The following ZNF517 variants were observed in gnomAD, a reference collection of about 807,000 sequenced individuals.
ZNF517 encodes zinc finger protein 517.
In ZNF517, 12 loss-of-function variants were observed where a neutral mutation model predicts 12.1. The observed-to-expected ratio is 0.99, with a 90% CI of 0.63 to 1.61. ZNF517 has a LOEUF of 1.61. Among genes scored for constraint, ZNF517 ranks in the 40% most tolerant of loss-of-function variants. The pLI, the probability that ZNF517 is intolerant of heterozygous loss-of-function variation, is 0.00. For synonymous variants in ZNF517, 388 were observed against 310.2 expected (o/e 1.25, Z -2.63); for missense variants, 781 against 693.2 (o/e 1.13, Z -1.42).
In ZNF517 at chr8:144,802,929, C is replaced by A. The variant is rs1290520752; in HGVS notation, c.15C>A (p.Leu5=). The A allele has an allele frequency of 6.2e-7, 1 of 1,613,916 alleles. No homozygotes were observed. The stretch of plus-strand genomic sequence containing the variant: ...GGGACCCTGGAATGGCGATGGCACT[C>A]CCGATGCCTGGACCTCAGGTGAGCA... The part of the protein sequence containing the change: MAMA[L]PMPGPQEAVV... The change falls in exon 2 of 5, where the codon CTC becomes CTA. Residue 5 remains leucine, a synonymous_variant. Transcript: ENST00000359971.
rs1276732026 is a variant in ZNF517, at chr8:144,807,849, C to T, written c.933C>T (p.His311=). ...RFTLNEHGRI[H]SGERPYRCLR... ...CCCTCAACGAGCACGGCCGCATCCA[C>T]AGCGGGGAGCGGCCCTACCGGTGCC... Residue 311 remains histidine (H), a synonymous_variant, in exon 5 of 5, where the codon CAC becomes CAT. Coordinates refer to ENST00000359971, the MANE Select transcript of ZNF517 (RefSeq NM_213605.3). 5 of 1,593,254 alleles carry T rather than the reference C, an allele frequency of 3.1e-6. No homozygotes were observed. In the Admixed American group the frequency reaches 6.9e-5, roughly 22 times the overall value.
chr8:144,812,227 GAC>G (rs894616004), downstream of ZNF517, among the ~76,000 whole-genome samples: 1 of 148,502 alleles, frequency 6.7e-6, no homozygotes. Flanking sequence ...GGGTGGGAGA[GAC>G]AGGGACAATA....
intron 2 of ZNF517, 90 bp from the exon 3 acceptor site, chr8:144,803,551 G>A: frequency 6.5e-7 from 1 of 1,544,268 alleles, no homozygotes; most frequent in African/African-American, 1.4e-5. Flanking sequence ...AGCAAGGAGA[G>A]AGGCCTCTAG....
intron 4 of ZNF517, among the ~76,000 whole-genome samples, chr8:144,805,333 T>G (rs963339988): frequency 1.1e-4 from 17 of 152,206 alleles, no homozygotes; most frequent in African/African-American, 2.2e-4. Flanking sequence ...CAGAGATTAT[T>G]ATTATTATTA....
In ZNF517 at chr8:144,808,388, C is replaced by T. The variant is rs777442108; in HGVS notation, c.1472C>T (p.Ala491Val). ...GAGGGCAGGCGGGCGCCCTGTTGGG[C>T]TTCCTGATGACGGGGACGACAGGCC... Reference protein sequence around the residue: ...DTEGRRAPCWAS With the variant: ...DTEGRRAPCWVS Residue 491 changes from alanine to valine, a missense_variant, in exon 5 of 5, where the codon GCT becomes GTT. Ala to Val is a moderately conservative substitution (Grantham distance 64, BLOSUM62 0). Transcript: ENST00000359971. 1 of 1,455,602 alleles carries T rather than the reference C, an allele frequency of 6.9e-7. No individual in the cohort carries two copies. Among genetic ancestry groups the T allele is most frequent in the South Asian group, 1.5e-5 (1 of 67,948 alleles). 90.2% of individuals were successfully genotyped at this position (1,455,602 alleles called of 1,614,324 possible). A position where few individuals can be genotyped will look rare whatever the true frequency, so the allele number is the denominator to read the frequency against.
rs1367526803 is a variant in ZNF517 at position 144,808,361 on chromosome 8, CAG to C, written c.1448_1449del (p.Glu483GlyfsTer40). The C allele has an allele frequency of 1.4e-6, 2 of 1,470,134 alleles. No individual in the cohort carries two copies. Among genetic ancestry groups the C allele is most frequent in the South Asian group, 2.8e-5 (2 of 70,332 alleles). The allele number at this position is 1,470,134 out of a possible 1,614,324, so 91.1% of individuals were successfully genotyped here. On this transcript the variant is annotated frameshift_variant, in exon 5 of 5. Coordinates refer to ENST00000359971, the MANE Select transcript of ZNF517 (RefSeq NM_213605.3). LOFTEE classifies it low-confidence loss of function (END_TRUNC). ...CACGGCCGCGAGCCCGGGGAGGACA[CAG>C]AGGGCAGGCGGGCGCCCTGTTGGGC...
chr8:144,803,091 C>T (rs1827048087), intron 2 of ZNF517, 144 bp downstream of exon 2: 1 of 1,077,260 alleles, frequency 9.3e-7, no homozygotes, highest in Non-Finnish European at 1.3e-6. Context: ...AGCCTCCTCG[C>T]TCTATGGCCA....
Position 144,807,411 on chromosome 8 carries a change from A to G in ZNF517, c.495A>G (p.Glu165=). The G allele has an allele frequency of 6.4e-7, 1 of 1,564,080 alleles. No individual in the cohort carries two copies. Among genetic ancestry groups the G allele is most frequent in the Non-Finnish European group, 8.7e-7 (1 of 1,154,694 alleles). Residue 165 remains glutamate, a synonymous_variant, in exon 5 of 5, where the codon GAA becomes GAG. Coordinates refer to ENST00000359971, the MANE Select transcript of ZNF517 (RefSeq NM_213605.3). ...EHSASPRVLQ[E]DLGRPVGSSA... ...GCGCCTCCCCAAGGGTTCTGCAGGA[A>G]GACCTGGGCCGGCCTGTGGGGAGCT...
intron 1 of ZNF517, among the ~76,000 whole-genome samples, chr8:144,799,750 C>T (rs535976934): frequency 6.6e-6 from 1 of 152,278 alleles, no homozygotes; most frequent in South Asian, 2.1e-4. Context: ...ACCATCCTGG[C>T]TAACACGGTG....
chr8:144,808,473 C>A lies in ZNF517; in HGVS notation c.*78C>A. The A allele has an allele frequency of 2.1e-6, 3 of 1,403,364 alleles. No homozygotes were observed. Among genetic ancestry groups the A allele is most frequent in the East Asian group, 2.8e-5 (1 of 36,014 alleles). 86.9% of individuals were successfully genotyped at this position (1,403,364 alleles called of 1,614,324 possible). The stretch of plus-strand genomic sequence containing the variant: ...GGGCCCTAGCGCAGAAATTCAGAAC[C>A]CCCTGTCCTGAAGGTGAAGCAAAGT... On this transcript the variant is annotated 3_prime_UTR_variant, in exon 5 of 5. Coordinates refer to ENST00000359971, the MANE Select transcript of ZNF517 (RefSeq NM_213605.3).
rs975909889 is a variant in ZNF517 at position 144,809,384 on chromosome 8, G to C, written c.*989G>C. ...CGAAGCATTGTTTCTGAGTGTGTGA[G>C]GATGTTTTCAGTGGACTCAGTGAAG... is the stretch of plus-strand genomic sequence containing the variant. On this transcript the variant is annotated 3_prime_UTR_variant, in exon 5 of 5. Coordinates refer to ENST00000359971, the MANE Select transcript of ZNF517 (RefSeq NM_213605.3). 6.6e-6 allele frequency: 1 copy of C among 152,214 alleles called. No individual in the cohort carries two copies. The highest frequency in any genetic ancestry group is 1.5e-5 in the Non-Finnish European group (1 of 68,070). 9.4% of individuals were successfully genotyped at this position (152,214 alleles called of 1,614,324 possible).
intron 4 of ZNF517, among the ~76,000 whole-genome samples, chr8:144,805,988 ATC>A (rs1827209128): frequency 6.6e-6 from 1 of 151,090 alleles, no homozygotes; most frequent in Admixed American, 6.6e-5. Flanking sequence ...CTATTCATAT[ATC>A]ATCATATCTA....
rs570262978 is a variant in ZNF517 at position 144,801,993 on chromosome 8, A to G, written c.-45-877A>G. Among the ~76,000 whole-genome samples the G allele has an allele frequency of 2.0e-5, 3 of 152,296 alleles. No homozygotes were observed. In the South Asian group the frequency reaches 6.2e-4, roughly 32 times the overall value. ...GGCTGCAGTGAGCTGAGATCACACC[A>G]CTGCGCTCCAGCCTGGGTCACGCAT... On this transcript the variant is annotated intron_variant, in intron 1 of 4. Transcript: ENST00000359971.
At chr8:144,804,316 C>T in intron 4 of ZNF517, 78 bp downstream of exon 4, 2 of 1,037,236 alleles carry the variant, frequency 1.9e-6, no homozygotes, top group Non-Finnish European at 2.8e-6. Context: ...CAGGTCCCTT[C>T]TTCTACAGTG....
chr8:144,800,839 CTT>C (rs922361376), intron 1 of ZNF517: 16 of 333,556 alleles, frequency 4.8e-5, no homozygotes, highest in East Asian at 1.7e-4. Context: ...TAAACGCACT[CTT>C]TATTTTTATT....
intron 1 of ZNF517, 162 bp from the exon 2 acceptor site, chr8:144,802,708 A>G: frequency 1.0e-6 from 1 of 959,894 alleles, no homozygotes; most frequent in African/African-American, 1.8e-5. Flanking sequence ...GTTCCCATGG[A>G]GAAGCTTGGA....
downstream of ZNF517, chr8:144,810,487 G>T: frequency 2.6e-6 from 1 of 389,694 alleles, no homozygotes; most frequent in South Asian, 1.2e-4. Context: ...ATCCTGGGCA[G>T]TAGCCGGGAC....
Position 144,808,378 on chromosome 8 carries a change from C to T in ZNF517, c.1462C>T (p.Pro488Ser). The change falls in exon 5 of 5, where the codon CCC (proline) becomes TCC (serine). Residue 488 changes from proline (P) to serine (S), a missense_variant. Transcript: ENST00000359971. Reference protein sequence around the residue: ...PGEDTEGRRAPCWAS With the variant: ...PGEDTEGRRASCWAS ...GGAGGACACAGAGGGCAGGCGGGCG[C>T]CCTGTTGGGCTTCCTGATGACGGGG... 1 of 1,454,920 alleles carries T rather than the reference C, an allele frequency of 6.9e-7. No individual in the cohort carries two copies. The allele number at this position is 1,454,920 out of a possible 1,614,324, so 90.1% of individuals were successfully genotyped here.
At chr8:144,802,334 A>G (rs1827006357) in intron 1 of ZNF517, among the ~76,000 whole-genome samples, 1 of 152,114 alleles carries the variant, frequency 6.6e-6, no homozygotes, top group Admixed American at 6.5e-5. Context: ...CCAAGATCAC[A>G]CCACCAACTC....
Sources: gnomAD v4.1 joint callset for allele counts (sites outside exome capture counted in the v4.1 genomes callset) on GRCh38, gnomAD v4.1.1 for gene constraint, MANE v1.5 for transcripts, NCBI Gene and HGNC (gene_info 2026-07-23, HGNC 2026-07-21) for gene names.